Variants in CTNNA3 observed in about 807,000 individuals in gnomAD.
CTNNA3 encodes the protein catenin alpha-3.
CTNNA3 carries 76 observed loss-of-function variants against 95.7 expected under a neutral mutation model. The observed-to-expected ratio is 0.79, with a 90% CI of 0.66 to 0.96. The LOEUF (loss-of-function observed/expected upper bound fraction) is 0.96. Ranked by LOEUF, CTNNA3 falls within the 40% of genes least tolerant of loss-of-function variation. CTNNA3 has a pLI of 0.00. For synonymous variants in CTNNA3, 431 were observed against 374.4 expected (o/e 1.15, Z -1.74); for missense variants, 1,191 against 1,089.8 (o/e 1.09, Z -1.31).
intron 11 of CTNNA3, among the ~76,000 whole-genome samples, chr10:66,397,164 T>G (rs1053212388): frequency 6.6e-6 from 1 of 151,648 alleles, no homozygotes; most frequent in Non-Finnish European, 1.5e-5. Context: ...TATGAGTAGT[T>G]TTTATTTTTT....
intron 9 of CTNNA3, among the ~76,000 whole-genome samples, chr10:66,660,929 T>C (rs1423533688): frequency 1.3e-5 from 2 of 152,180 alleles, no homozygotes; most frequent in Non-Finnish European, 2.9e-5. Context: ...TATTCAATAT[T>C]TTCCCAAGGC....
intron 7 of CTNNA3, among the ~76,000 whole-genome samples, chr10:66,968,604 A>T (rs1414130873): frequency 6.6e-6 from 1 of 152,126 alleles, no homozygotes; most frequent in Non-Finnish European, 1.5e-5. Flanking sequence ...AACAGCACCT[A>T]ACAGAGAAAA....
chr10:67,627,460 T>A (rs553493732), intron 2 of CTNNA3, among the ~76,000 whole-genome samples: 82 of 152,282 alleles, frequency 5.4e-4, no homozygotes, highest in African/African-American at 1.9e-3. Context: ...TCAAAAAAAA[T>A]ACATAATAAC....
At chr10:66,382,025 T>C (rs1469732071) in intron 11 of CTNNA3, among the ~76,000 whole-genome samples, 1 of 152,084 alleles carries the variant, frequency 6.6e-6, no homozygotes, top group Non-Finnish European at 1.5e-5. Context: ...ATGCAGAAGA[T>C]GGATGATTTC....
intron 7 of CTNNA3, among the ~76,000 whole-genome samples, chr10:67,169,184 A>G (rs540816857): frequency 1.3e-5 from 2 of 152,358 alleles, no homozygotes; most frequent in South Asian, 4.1e-4. Flanking sequence ...GATAGGAAGA[A>G]TCAGTATCAT....
chr10:65,948,680 A>C (rs1317152985), intron 17 of CTNNA3, among the ~76,000 whole-genome samples: 3 of 152,176 alleles, frequency 2.0e-5, no homozygotes. Flanking sequence ...GTCAATGAAG[A>C]AATGTCTATT....
intron 15 of CTNNA3, among the ~76,000 whole-genome samples, chr10:65,998,940 T>C (rs987563721): frequency 6.6e-6 from 1 of 152,126 alleles, no homozygotes; most frequent in Non-Finnish European, 1.5e-5. Flanking sequence ...CATTGCCCTT[T>C]TTCCCATGGT....
intron 17 of CTNNA3, among the ~76,000 whole-genome samples, chr10:65,927,702 G>T (rs1365274323): frequency 6.6e-6 from 1 of 151,974 alleles, no homozygotes; most frequent in Admixed American, 6.5e-5. Flanking sequence ...CATTATCTTT[G>T]TGACTGGCAT....
intron 1 of CTNNA3, among the ~76,000 whole-genome samples, chr10:67,662,917 A>G (rs986560639): frequency 6.6e-6 from 1 of 152,204 alleles, no homozygotes. Context: ...CTCTTATCCC[A>G]GTGGCACAGA....
intron 7 of CTNNA3, among the ~76,000 whole-genome samples, chr10:66,933,545 A>C (rs2132650365): frequency 6.6e-6 from 1 of 152,292 alleles, no homozygotes; most frequent in South Asian, 2.1e-4. Context: ...GCAAAAAGTA[A>C]TTGCATATAA....
At chr10:67,080,906 C>T (rs1481535776) in intron 7 of CTNNA3, among the ~76,000 whole-genome samples, 1 of 134,828 alleles carries the variant, frequency 7.4e-6, no homozygotes, top group Non-Finnish European at 1.5e-5. Flanking sequence ...GAGACTCTGT[C>T]TGAAAAAAAA....
intron 15 of CTNNA3, among the ~76,000 whole-genome samples, chr10:66,058,111 G>A (rs1168863018): frequency 6.6e-6 from 1 of 152,054 alleles, no homozygotes; most frequent in African/African-American, 2.4e-5. Flanking sequence ...GAATATAAAT[G>A]TTTCACCTCA....
At chr10:67,656,316 T>A (rs1418586680) in intron 1 of CTNNA3, among the ~76,000 whole-genome samples, 1 of 152,208 alleles carries the variant, frequency 6.6e-6, no homozygotes, top group African/African-American at 2.4e-5. Context: ...TTTACAAATA[T>A]TTTTGATGTG....
chr10:67,633,758 A>G (rs7075184), intron 2 of CTNNA3, among the ~76,000 whole-genome samples: 20,205 of 152,166 alleles, frequency 0.13, 2,415 homozygotes, highest in African/African-American at 0.32. Flanking sequence ...GCTGAAATAG[A>G]GCAGGAAGAC....
At chr10:67,201,723 A>T (rs1863660812) in intron 6 of CTNNA3, among the ~76,000 whole-genome samples, 1 of 152,182 alleles carries the variant, frequency 6.6e-6, no homozygotes, top group African/African-American at 2.4e-5. Flanking sequence ...TCCATTTCAC[A>T]TGTTTAAAGG....
chr10:67,234,606 A>G (rs930781364), intron 5 of CTNNA3, among the ~76,000 whole-genome samples: 1 of 151,878 alleles, frequency 6.6e-6, no homozygotes, highest in African/African-American at 2.4e-5. Context: ...CTGGCACAAG[A>G]CAGGGATGCC....
At chr10:67,398,296 C>A (rs1364784458) in intron 5 of CTNNA3, among the ~76,000 whole-genome samples, 1 of 152,220 alleles carries the variant, frequency 6.6e-6, no homozygotes, top group Non-Finnish European at 1.5e-5. Flanking sequence ...AGATGTGAGA[C>A]ATGAAGTCAA....
chr10:66,765,126 C>T (rs529845909), intron 9 of CTNNA3, among the ~76,000 whole-genome samples: 2 of 152,282 alleles, frequency 1.3e-5, no homozygotes, highest in Non-Finnish European at 2.9e-5. Flanking sequence ...TCATCCACTC[C>T]TTTCATCTTC....
chr10:66,704,360 T>G (rs2132582721), intron 9 of CTNNA3, among the ~76,000 whole-genome samples: 1 of 152,264 alleles, frequency 6.6e-6, no homozygotes, highest in South Asian at 2.1e-4. Flanking sequence ...TTATCACTGT[T>G]ACCCAATACT....
Sources: gnomAD v4.1 joint callset for allele counts (sites outside exome capture counted in the v4.1 genomes callset) on GRCh38, gnomAD v4.1.1 for gene constraint, MANE v1.5 for transcripts, NCBI Gene and HGNC (gene_info 2026-07-23, HGNC 2026-07-21) for gene names.